SLC7A7: variants seen among roughly 807,000 people sequenced by gnomAD.
The protein encoded by SLC7A7 is solute carrier family 7 member 7.
In SLC7A7, 39 loss-of-function variants were observed where a neutral mutation model predicts 47.9. The observed-to-expected ratio is 0.81, with a 90% CI of 0.63 to 1.06. SLC7A7 has a LOEUF of 1.06. SLC7A7 is among the 50% of genes least tolerant of loss of function. The pLI is 0.00. For missense variants in SLC7A7, 588 were observed against 632.0 expected (o/e 0.93, Z 0.75); for synonymous variants, 234 against 242.8 (o/e 0.96, Z 0.34).
intron 2 of SLC7A7, among the ~76,000 whole-genome samples, chr14:22,789,344 C>T (rs1246345349): frequency 3.3e-5 from 5 of 152,072 alleles, no homozygotes; most frequent in Admixed American, 6.6e-5. Context: ...AGAGGCCAGG[C>T]GCAGTGGCTC....
chr14:22,788,671 T>G (rs997816429), intron 2 of SLC7A7, among the ~76,000 whole-genome samples: 3 of 141,280 alleles, frequency 2.1e-5, no homozygotes, highest in African/African-American at 5.4e-5. Flanking sequence ...ACCACTGCAC[T>G]CCAGCCCGGG....
At chr14:22,784,578 A>T (rs985365783) in intron 2 of SLC7A7, among the ~76,000 whole-genome samples, 9 of 151,872 alleles carry the variant, frequency 5.9e-5, no homozygotes, top group Non-Finnish European at 1.2e-4. Context: ...AGATCACACC[A>T]CTGCACTCCA....
At chr14:22,800,430 C>T (rs927660056) in intron 2 of SLC7A7, among the ~76,000 whole-genome samples, 1 of 152,190 alleles carries the variant, frequency 6.6e-6, no homozygotes, top group Non-Finnish European at 1.5e-5. Context: ...TCTGTGAATG[C>T]CTCTACCTAT....
intron 2 of SLC7A7, among the ~76,000 whole-genome samples, chr14:22,787,908 C>T (rs1172340978): frequency 6.6e-6 from 1 of 151,792 alleles, no homozygotes; most frequent in East Asian, 1.9e-4. Flanking sequence ...CCCATCTCTA[C>T]TAAAAATACA....
rs762335275 is a variant in SLC7A7 at position 22,773,641 on chromosome 14, A to G, written c.1505T>C (p.Met502Thr). 20 of 1,614,024 alleles carry G rather than the reference A, an allele frequency of 1.2e-5. No homozygotes were observed. The highest frequency in any genetic ancestry group is 1.6e-5 in the Non-Finnish European group (19 of 1,180,028). ...AEMDLEDGGE[M>T]PKQRDPKSN The stretch of plus-strand genomic sequence containing the variant: ...AGATTTGGGATCCCGTTGCTTGGGC[A>G]TCTCTCCTCCATCTTCCAAATCCAT... The change falls in exon 10 of 10, where the codon ATG becomes ACG. Residue 502 changes from methionine (M) to threonine (T), a missense_variant. Met to Thr is a moderately conservative substitution (Grantham distance 81). Transcript: ENST00000674313.
At chr14:22,798,217 A>C (rs1397089808) in intron 2 of SLC7A7, among the ~76,000 whole-genome samples, 1 of 152,140 alleles carries the variant, frequency 6.6e-6, no homozygotes, top group Non-Finnish European at 1.5e-5. Context: ...GAATCGCTTG[A>C]ACCCAGGAGG....
intron 2 of SLC7A7, among the ~76,000 whole-genome samples, chr14:22,795,076 C>CTTTTT (rs3076435): frequency 9.2e-5 from 9 of 97,578 alleles, no homozygotes; most frequent in African/African-American, 3.2e-4. Context: ...TTCTTTCTTT[C>CTTTTT]TTTTTTTTTT....
intron 2 of SLC7A7, among the ~76,000 whole-genome samples, chr14:22,786,610 T>A (rs2038822134): frequency 6.6e-6 from 1 of 152,208 alleles, no homozygotes; most frequent in African/African-American, 2.4e-5. Context: ...AGTGATGAGA[T>A]CTTTCCTCCC....
chr14:22,779,426 G>A (rs28621046), intron 3 of SLC7A7, among the ~76,000 whole-genome samples: 3,985 of 151,998 alleles, frequency 0.026, 177 homozygotes, highest in African/African-American at 0.091. Flanking sequence ...TCTACTTACC[G>A]GTAGCAACTT....
At chr14:22,778,611 A>G (rs529162588) in intron 4 of SLC7A7, among the ~76,000 whole-genome samples, 182 bp downstream of exon 4, 45 of 152,342 alleles carry the variant, frequency 3.0e-4, no homozygotes, top group Admixed American at 5.9e-4. Flanking sequence ...GTAAGTTCAT[A>G]TTTTAGCCCT....
At chr14:22,774,234 C>T in intron 8 of SLC7A7, 118 bp from the exon 9 acceptor site, 1 of 1,591,344 alleles carries the variant, frequency 6.3e-7, no homozygotes, top group Non-Finnish European at 8.6e-7. Flanking sequence ...TTAATTTCAA[C>T]ACATTACTAA....
chr14:22,801,966 T>C lies in SLC7A7; in HGVS notation c.499+10934A>G, dbSNP rs1453522897. On this transcript the variant is annotated intron_variant, in intron 2 of 9. Transcript: ENST00000674313. ...TTAATCTCCAACCCTATCTCTTTCC[T>C]AAATTCCAAAGAGCATATCTGCCTA... Among the ~76,000 whole-genome samples, 3 of 152,222 alleles carry C rather than the reference T, an allele frequency of 2.0e-5. No individual in the cohort carries two copies. In the East Asian group the frequency reaches 5.8e-4, roughly 29 times the overall value.
At chr14:22,786,030 A>G (rs1260050414) in intron 2 of SLC7A7, among the ~76,000 whole-genome samples, 2 of 150,128 alleles carry the variant, frequency 1.3e-5, no homozygotes, top group African/African-American at 4.9e-5. Flanking sequence ...TCAAAAAAAA[A>G]AAAAAAAAAG....
At chr14:22,784,937 T>C (rs1424202399) in intron 2 of SLC7A7, among the ~76,000 whole-genome samples, 1 of 152,216 alleles carries the variant, frequency 6.6e-6, no homozygotes, top group Non-Finnish European at 1.5e-5. Context: ...ACACAAAACT[T>C]ATGATTACAG....
rs2038507131 is a variant in SLC7A7, at chr14:22,773,258, G to A, written c.*352C>T. 2.3e-6 allele frequency: 1 copy of A among 439,984 alleles called. No homozygotes were observed. The highest frequency in any genetic ancestry group is 4.4e-6 in the Non-Finnish European group (1 of 227,600). 27.3% of individuals were successfully genotyped at this position (439,984 alleles called of 1,614,324 possible). A position where few individuals can be genotyped will look rare whatever the true frequency, so the allele number is the denominator to read the frequency against. On this transcript the variant is annotated 3_prime_UTR_variant, in exon 10 of 10. Transcript: ENST00000674313. Reference sequence around the variant, plus strand: ...AAACTTTTATTGTCATCCAGCACCTGTGATAGTTTCATGTCTCTCTAAAGG... The same window carrying A: ...AAACTTTTATTGTCATCCAGCACCTATGATAGTTTCATGTCTCTCTAAAGG...
At chr14:22,808,208 C>T (rs1006869268) in intron 2 of SLC7A7, among the ~76,000 whole-genome samples, 1 of 151,826 alleles carries the variant, frequency 6.6e-6, no homozygotes, top group Non-Finnish European at 1.5e-5. Context: ...TATGGTGCCT[C>T]TATCAGTGTA....
At chr14:22,792,920 T>G (rs973297479) in intron 2 of SLC7A7, among the ~76,000 whole-genome samples, 13 of 134,566 alleles carry the variant, frequency 9.7e-5, no homozygotes, top group African/African-American at 1.6e-4. Flanking sequence ...GAAAAATATC[T>G]TTTTTTTTTT....
chr14:22,810,462 C>CAAAAAAAAAA (rs59569324), intron 2 of SLC7A7, among the ~76,000 whole-genome samples: 20 of 95,650 alleles, frequency 2.1e-4, no homozygotes, highest in East Asian at 1.1e-3. Context: ...AACTCCATCT[C>CAAAAAAAAAA]AAAAAAAAAA....
chr14:22,780,189 C>T (rs2038693905), intron 2 of SLC7A7, 138 bp from the exon 3 acceptor site: 1 of 1,242,682 alleles, frequency 8.0e-7, no homozygotes, highest in Admixed American at 2.0e-5. Context: ...CTGCTCTGCA[C>T]TGGAACCCTC....
Sources: gnomAD v4.1 joint callset for allele counts (sites outside exome capture counted in the v4.1 genomes callset) on GRCh38, gnomAD v4.1.1 for gene constraint, MANE v1.5 for transcripts, NCBI Gene and HGNC (gene_info 2026-07-23, HGNC 2026-07-21) for gene names.